DAPP1: variants seen among roughly 807,000 people sequenced by gnomAD.
DAPP1 encodes dual adaptor of phosphotyrosine and 3-phosphoinositides 1.
In DAPP1, 20 loss-of-function variants were observed where a neutral mutation model predicts 41.5. That is an observed-to-expected ratio of 0.48 (90% CI 0.34 to 0.70). The LOEUF (loss-of-function observed/expected upper bound fraction) is 0.70, where lower values mean the gene tolerates loss of function less well. Among genes scored for constraint, DAPP1 ranks in the 30% least tolerant of loss-of-function variants. The pLI, the probability that DAPP1 is intolerant of heterozygous loss-of-function variation, is 0.01. For synonymous variants in DAPP1, 113 were observed against 116.2 expected (o/e 0.97, Z 0.18); for missense variants, 233 against 333.4 (o/e 0.70, Z 2.35).
chr4:99,852,946 A>G (rs961248522), intron 3 of DAPP1, among the ~76,000 whole-genome samples: 2 of 152,108 alleles, frequency 1.3e-5, no homozygotes, highest in Non-Finnish European at 2.9e-5. Context: ...CACGGCTGCC[A>G]TTGGTCTCAT....
At chr4:99,870,307 T>C (rs988745127), downstream of DAPP1, among the ~76,000 whole-genome samples, 1 of 149,946 alleles carries the variant, frequency 6.7e-6, no homozygotes, top group African/African-American at 2.5e-5. Flanking sequence ...GAGTTCTTAG[T>C]TGAATATGGA....
intron 3 of DAPP1, 92 bp downstream of exon 3, chr4:99,840,514 C>T (rs1050659606): frequency 7.2e-6 from 10 of 1,382,030 alleles, no homozygotes; most frequent in Admixed American, 2.3e-5. Context: ...TCATTGTTGT[C>T]ATTTATATTT....
At chr4:99,822,673 G>A (rs1220917731) in intron 1 of DAPP1, among the ~76,000 whole-genome samples, 2 of 152,084 alleles carry the variant, frequency 1.3e-5, no homozygotes, top group Non-Finnish European at 2.9e-5. Flanking sequence ...GTCTGGTTCT[G>A]GTCTCTACCT....
chr4:99,854,824 T>G (rs1399780789), intron 4 of DAPP1, among the ~76,000 whole-genome samples: 1 of 152,198 alleles, frequency 6.6e-6, no homozygotes, highest in Non-Finnish European at 1.5e-5. Context: ...ACCCTCTGTT[T>G]GCCTTTATTC....
intron 4 of DAPP1, among the ~76,000 whole-genome samples, chr4:99,859,617 T>G (rs1258583212): frequency 1.3e-5 from 2 of 152,232 alleles, no homozygotes; most frequent in African/African-American, 4.8e-5. Flanking sequence ...TACACTTATG[T>G]GGTGATCAAT....
intron 1 of DAPP1, among the ~76,000 whole-genome samples, chr4:99,831,189 T>C (rs1166416031): frequency 2.0e-5 from 3 of 152,240 alleles, no homozygotes; most frequent in Non-Finnish European, 2.9e-5. Flanking sequence ...GTGGTAACAT[T>C]TGGTGCCTGC....
At chr4:99,870,966 GA>G (rs1724615244), downstream of DAPP1, among the ~76,000 whole-genome samples, 1 of 152,086 alleles carries the variant, frequency 6.6e-6, no homozygotes, top group Admixed American at 6.6e-5. Context: ...GAGCTTATTG[GA>G]ATGGAACCCC....
intron 4 of DAPP1, among the ~76,000 whole-genome samples, chr4:99,857,309 G>A (rs1188395185): frequency 1.3e-5 from 2 of 152,142 alleles, no homozygotes; most frequent in Admixed American, 1.3e-4. Flanking sequence ...CAGGAGGGGT[G>A]GGTTGAGGGG....
At chr4:99,848,629 A>G (rs948710601) in intron 3 of DAPP1, among the ~76,000 whole-genome samples, 26 of 152,336 alleles carry the variant, frequency 1.7e-4, no homozygotes, top group African/African-American at 6.0e-4. Flanking sequence ...CTTAGTAATC[A>G]TGGCAAGTCT....
At chr4:99,835,563 G>A (rs977725692) in intron 1 of DAPP1, 60 bp from the exon 2 acceptor site, 1 of 1,593,272 alleles carries the variant, frequency 6.3e-7, no homozygotes, top group Admixed American at 1.7e-5. Flanking sequence ...GGAAAAGCCA[G>A]TGCAGGGGGA....
intron 2 of DAPP1, 61 bp downstream of exon 2, chr4:99,835,806 T>C: frequency 1.3e-6 from 2 of 1,579,614 alleles, no homozygotes; most frequent in Non-Finnish European, 1.7e-6. Context: ...ACTGACTTTA[T>C]CATCACTCAA....
intron 6 of DAPP1, 52 bp from the exon 7 acceptor site, chr4:99,863,718 G>GTT (rs61359294): frequency 0.019 from 16,146 of 867,214 alleles, 8 homozygotes; most frequent in East Asian, 0.062. Flanking sequence ...AGATTTGTCT[G>GTT]TTTTTTTTTT....
intron 3 of DAPP1, among the ~76,000 whole-genome samples, chr4:99,851,629 C>T (rs1232065318): frequency 2.0e-5 from 3 of 151,014 alleles, no homozygotes; most frequent in Non-Finnish European, 2.9e-5. Context: ...CAACCCCCGC[C>T]TCCCGGGTTC....
chr4:99,871,572 A>C (rs1034692137), downstream of DAPP1, among the ~76,000 whole-genome samples: 3 of 152,254 alleles, frequency 2.0e-5, no homozygotes, highest in Non-Finnish European at 2.9e-5. Flanking sequence ...TAAGTTTTTC[A>C]ACACTTAAAA....
chr4:99,823,992 A>G (rs1289933819), intron 1 of DAPP1, among the ~76,000 whole-genome samples: 2 of 152,238 alleles, frequency 1.3e-5, no homozygotes, highest in East Asian at 3.8e-4. Context: ...TCACAAATAT[A>G]TTATAACTCA....
chr4:99,862,198 C>G (rs1724263515), intron 5 of DAPP1, among the ~76,000 whole-genome samples: 1 of 152,162 alleles, frequency 6.6e-6, no homozygotes, highest in South Asian at 2.1e-4. Context: ...TATTTAACCT[C>G]TCACAGACAC....
intron 3 of DAPP1, among the ~76,000 whole-genome samples, chr4:99,840,650 CAT>C (rs1723464725): frequency 6.6e-6 from 1 of 152,094 alleles, no homozygotes; most frequent in African/African-American, 2.4e-5. Context: ...TTTAAAATAA[CAT>C]ATACAATACA....
At chr4:99,845,761 T>C (rs992880253) in intron 3 of DAPP1, among the ~76,000 whole-genome samples, 4 of 152,178 alleles carry the variant, frequency 2.6e-5, no homozygotes, top group African/African-American at 9.6e-5. Context: ...CTTTAAAACA[T>C]AAAAAGGCTG....
chr4:99,845,520 A>G (rs959544420), intron 3 of DAPP1, among the ~76,000 whole-genome samples: 2 of 152,198 alleles, frequency 1.3e-5, no homozygotes, highest in African/African-American at 4.8e-5. Context: ...TTCTGCTACA[A>G]TAATGTAGTA....
Sources: gnomAD v4.1 joint callset for allele counts (sites outside exome capture counted in the v4.1 genomes callset) on GRCh38, gnomAD v4.1.1 for gene constraint, MANE v1.5 for transcripts, NCBI Gene and HGNC (gene_info 2026-07-23, HGNC 2026-07-21) for gene names.